CLNK: variants seen among roughly 807,000 people sequenced by gnomAD.
CLNK encodes the protein cytokine-dependent hematopoietic cell linker.
A neutral mutation model predicts 68.6 loss-of-function variants in CLNK; 74 were observed. The ratio of observed to expected loss-of-function variants is 1.08; its 90% CI spans 0.89 to 1.31. The LOEUF is 1.31. CLNK is among the 50% of genes most tolerant of loss of function. The pLI is 0.00. For missense variants in CLNK, 553 were observed against 515.3 expected (o/e 1.07, Z -0.71); for synonymous variants, 198 against 172.2 (o/e 1.15, Z -1.17).
At chr4:10,656,682 C>G (rs1245415156) in intron 2 of CLNK, 1 of 152,088 alleles carries the variant, frequency 6.6e-6, no homozygotes, top group Non-Finnish European at 1.5e-5. Context: ...TACGCTGAGT[C>G]TCAGAAATTT....
At chr4:10,701,750 G>T in the CLNK span, among the ~76,000 whole-genome samples, 2 of 152,180 alleles carry the variant, frequency 1.3e-5, no homozygotes, top group African/African-American at 4.8e-5. Context: ...GGAAAACTGA[G>T]GCACAGAAAG....
intron 2 of CLNK, among the ~76,000 whole-genome samples, chr4:10,607,405 G>C (rs1482949595): frequency 6.6e-6 from 1 of 152,224 alleles, no homozygotes; most frequent in Admixed American, 6.5e-5. Flanking sequence ...GATCTGGGTT[G>C]TTTCAATGAA....
At chr4:10,668,243 C>T (rs951419661) in intron 1 of CLNK, among the ~76,000 whole-genome samples, 2 of 152,156 alleles carry the variant, frequency 1.3e-5, no homozygotes, top group African/African-American at 4.8e-5. Context: ...GCTTGGCTGG[C>T]TCTCCTCTGA....
At position 10,514,638 on chromosome 4, in the gene CLNK, C is replaced by T. The variant is rs1443067775; in HGVS notation, c.773-1041G>A. Among the ~76,000 whole-genome samples the T allele has an allele frequency of 5.3e-5, 8 of 150,942 alleles. 1 individual carries two copies. The highest frequency in any genetic ancestry group is 5.3e-4 in the Admixed American group (8 of 15,144). ...AAGATTTAAACGTTAGACCAAAAAC[C>T]ATAAAAACCCTAGAAGAAAACCTAG... On this transcript the variant is annotated intron_variant, in intron 15 of 18. Coordinates refer to ENST00000226951, the MANE Select transcript of CLNK (RefSeq NM_052964.4).
intron 2 of CLNK, among the ~76,000 whole-genome samples, chr4:10,623,509 G>C (rs1302367076): frequency 2.0e-5 from 3 of 152,192 alleles, no homozygotes; most frequent in African/African-American, 7.2e-5. Flanking sequence ...CTTAGGGAAT[G>C]CCAGTACATG....
chr4:10,654,427 TC>T (rs1424248706), intron 2 of CLNK, among the ~76,000 whole-genome samples: 1 of 86,364 alleles, frequency 1.2e-5, no homozygotes, highest in Non-Finnish European at 3.0e-5. Context: ...CAACCTAGAG[TC>T]TTTAACCTGA....
At chr4:10,594,989 T>G (rs1721330354) in intron 3 of CLNK, among the ~76,000 whole-genome samples, 3 of 152,096 alleles carry the variant, frequency 2.0e-5, no homozygotes, top group African/African-American at 7.2e-5. Context: ...AGCTACTGGC[T>G]GGGGGGCTGA....
At position 10,528,082 on chromosome 4, in the gene CLNK, C is replaced by A. The variant is rs1406739040; in HGVS notation, c.643G>T (p.Glu215Ter). ...LRDLSEVLEA[E>*]KVPHNQRKPE... ...ACAAATGTAAACAATTCACCTTTTT[C>A]TGCTTCAAGGACCTGTATTGAATTA... The change falls in exon 13 of 19, where the codon GAA becomes TAA. Residue 215 changes from glutamate to a stop codon, truncating the protein, a stop_gained. Coordinates refer to ENST00000226951, the MANE Select transcript of CLNK (RefSeq NM_052964.4). LOFTEE classifies it high-confidence loss of function. 2.2e-6 allele frequency: 3 copies of A among 1,360,260 alleles called. No individual in the cohort carries two copies. Among genetic ancestry groups the A allele is most frequent in the Non-Finnish European group, 2.9e-6 (3 of 1,036,382 alleles). 84.3% of individuals were successfully genotyped at this position (1,360,260 alleles called of 1,614,324 possible).
chr4:10,699,232 A>ACACACACACACACACCACGTATGTGTGTG, the CLNK span, among the ~76,000 whole-genome samples: 3 of 116,442 alleles, frequency 2.6e-5, no homozygotes, highest in East Asian at 2.4e-4. Context: ...ATGTGTGTGT[A>ACACACACACACACACCACGTATGTGTGTG]TACACACACA....
intron 1 of CLNK, among the ~76,000 whole-genome samples, chr4:10,672,843 G>A (rs900673968): frequency 2.0e-5 from 3 of 152,172 alleles, no homozygotes; most frequent in Non-Finnish European, 2.9e-5. Context: ...CTGGCAGCTT[G>A]TCAGTGAACA....
At chr4:10,644,426 T>G (rs2108877918) in intron 2 of CLNK, among the ~76,000 whole-genome samples, 1 of 152,290 alleles carries the variant, frequency 6.6e-6, no homozygotes, top group East Asian at 1.9e-4. Flanking sequence ...AAAAATATGG[T>G]GCTGTTATTA....
rs869196104 is a variant in CLNK at position 10,655,637 on chromosome 4, A to ATTTTT, written c.11+12217_11+12221dup. The stretch of plus-strand genomic sequence containing the variant: ...GATGAGTGGAGGAGGGATAGATAGC[A>ATTTTT]TTTTTTTTTTTTTTTTTTTTTTTTT... On this transcript the variant is annotated intron_variant, in intron 2 of 18. Coordinates refer to ENST00000226951, the MANE Select transcript of CLNK (RefSeq NM_052964.4). Among the ~76,000 whole-genome samples, 6 of 74,806 alleles carry ATTTTT rather than the reference A, an allele frequency of 8.0e-5. 1 individual carries two copies. Among genetic ancestry groups the ATTTTT allele is most frequent in the Admixed American group, 1.7e-4 (1 of 5,856 alleles). The allele number at this position is 74,806 out of a possible 152,430, so 49.1% of individuals were successfully genotyped here. A position where few individuals can be genotyped will look rare whatever the true frequency, so the allele number is the denominator to read the frequency against.
chr4:10,687,111 G>A (rs1725298931), upstream of CLNK, among the ~76,000 whole-genome samples: 1 of 151,754 alleles, frequency 6.6e-6, no homozygotes, highest in African/African-American at 2.4e-5. Context: ...AATGAATAGT[G>A]CCTGATCAGA....
At chr4:10,651,891 G>T (rs753262513) in intron 2 of CLNK, among the ~76,000 whole-genome samples, 1 of 150,732 alleles carries the variant, frequency 6.6e-6, no homozygotes, top group African/African-American at 2.4e-5. Context: ...AATAGTAATA[G>T]AATATATAAT....
At chr4:10,542,350 A>C (rs1719065251) in intron 8 of CLNK, 70 bp from the exon 9 acceptor site, 1 of 988,262 alleles carries the variant, frequency 1.0e-6, no homozygotes, top group Admixed American at 2.6e-5. Context: ...ATACACGCTT[A>C]CATGAAAATC....
At chr4:10,683,072 A>T (rs539449719) in intron 1 of CLNK, among the ~76,000 whole-genome samples, 2 of 152,294 alleles carry the variant, frequency 1.3e-5, no homozygotes, top group Non-Finnish European at 2.9e-5. Context: ...TATAAATATT[A>T]TATTATTGAG....
chr4:10,600,283 T>C (rs1721543261), intron 2 of CLNK, among the ~76,000 whole-genome samples: 2 of 152,242 alleles, frequency 1.3e-5, no homozygotes, highest in South Asian at 4.1e-4. Context: ...CTGCTTCCGC[T>C]TTGAGTCCCT....
rs756916705 is a variant in CLNK at position 10,595,086 on chromosome 4, AAAACC to A, written c.83+2887_83+2891del. On this transcript the variant is annotated intron_variant, in intron 3 of 18. Coordinates refer to ENST00000226951, the MANE Select transcript of CLNK (RefSeq NM_052964.4). ...ACAAGAGTGAAACCCCGTCTCAAAA[AAAACC>A]AAACCAAACCAAACCAAACCAAAAC... Among the ~76,000 whole-genome samples, 7 of 152,300 alleles carry A rather than the reference AAAACC, an allele frequency of 4.6e-5. No individual in the cohort carries two copies. The East Asian group carries it at 5.8e-4, about 13-fold the overall frequency.
intron 11 of CLNK, among the ~76,000 whole-genome samples, chr4:10,535,779 G>A (rs1353487848): frequency 1.3e-5 from 2 of 152,004 alleles, no homozygotes; most frequent in East Asian, 3.9e-4. Context: ...GAAGCTATCT[G>A]TATTGAAGTT....
Sources: gnomAD v4.1 joint callset for allele counts (sites outside exome capture counted in the v4.1 genomes callset) on GRCh38, gnomAD v4.1.1 for gene constraint, MANE v1.5 for transcripts, NCBI Gene and HGNC (gene_info 2026-07-23, HGNC 2026-07-21) for gene names.